Variants in ITPR1 observed in about 807,000 individuals in gnomAD.
The protein encoded by ITPR1 is inositol 1,4,5-trisphosphate receptor type 1.
Under a neutral mutation model 318.4 loss-of-function variants are expected in ITPR1, and 96 were observed. The ratio of observed to expected loss-of-function variants is 0.30; its 90% confidence interval spans 0.26 to 0.36. ITPR1 has a LOEUF of 0.36. Among genes scored for constraint, ITPR1 ranks in the 10% least tolerant of loss-of-function variants. The probability of loss-of-function intolerance (pLI) is 1.00; values close to 1 mark genes in which losing one functional copy is unlikely to be tolerated. For synonymous variants in ITPR1, 1,312 were observed against 1,289.9 expected, an observed-to-expected ratio of 1.02 and a Z score of -0.37; for missense variants, 2,440 against 3,460.2, an observed-to-expected ratio of 0.71 and a Z score of 7.40.
chr3:4,524,560 C>G (rs1461774472), intron 4 of ITPR1, among the ~76,000 whole-genome samples: 2 of 152,142 alleles, frequency 1.3e-5, no homozygotes, highest in African/African-American at 2.4e-5. Flanking sequence ...GAGTCTTTAT[C>G]TGAGCAATCA....
intron 39 of ITPR1, among the ~76,000 whole-genome samples, chr3:4,715,915 G>A (rs998125337): frequency 6.6e-6 from 1 of 152,026 alleles, no homozygotes. Context: ...GAAGAAGATG[G>A]CCAGAGATTT....
intron 4 of ITPR1, among the ~76,000 whole-genome samples, chr3:4,595,789 G>C (rs1040808080): frequency 1.3e-5 from 2 of 152,264 alleles, no homozygotes; most frequent in African/African-American, 4.8e-5. Flanking sequence ...TGAGAAGTCA[G>C]TTGACTTTAG....
At position 4,522,925 on chromosome 3, in the gene ITPR1, G is replaced by A. The variant is rs767327497; in HGVS notation, c.163+1831G>A. 2.3e-4 allele frequency among the ~76,000 whole-genome samples: 35 copies of A among 152,186 alleles called. 1 individual carries two copies. The highest frequency in any genetic ancestry group is 1.3e-4 in the Admixed American group (2 of 15,282). ...ATGGTTCTCAACTTTGGCTGCACAG[G>A]GAGATCACCTGGAGAACTCTCAGAA... On this transcript the variant is annotated intron_variant, in intron 4 of 61. Transcript: ENST00000649015.
intron 10 of ITPR1, among the ~76,000 whole-genome samples, chr3:4,649,788 C>T (rs189330697): frequency 6.6e-6 from 1 of 152,306 alleles, no homozygotes. Flanking sequence ...CTGGTGAGGG[C>T]ACTCTTCCTG....
At chr3:4,499,772 G>A (rs1258382028) in intron 2 of ITPR1, among the ~76,000 whole-genome samples, 1 of 152,166 alleles carries the variant, frequency 6.6e-6, no homozygotes, top group African/African-American at 2.4e-5. Context: ...TAATTTGGTA[G>A]TTAGATGTAG....
At chr3:4,818,715 C>T (rs2049472205) in intron 60 of ITPR1, among the ~76,000 whole-genome samples, 1 of 152,154 alleles carries the variant, frequency 6.6e-6, no homozygotes, top group Admixed American at 6.5e-5. Flanking sequence ...AGACACTCTA[C>T]TAATCGTTAA....
chr3:4,521,231 C>G (rs985619473), intron 4 of ITPR1, 137 bp downstream of exon 4: 12 of 649,682 alleles, frequency 1.8e-5, no homozygotes, highest in Middle Eastern at 2.5e-4. Context: ...GATTTGAGTT[C>G]TAAGCTTTAC....
At chr3:4,781,363 AATG>A (rs1295350513) in intron 49 of ITPR1, among the ~76,000 whole-genome samples, 1 of 152,196 alleles carries the variant, frequency 6.6e-6, no homozygotes, top group Admixed American at 6.5e-5. Context: ...TTCAATCATG[AATG>A]ATGTGTTCAT....
At chr3:4,595,463 A>G (rs544108188) in intron 4 of ITPR1, among the ~76,000 whole-genome samples, 5 of 152,350 alleles carry the variant, frequency 3.3e-5, no homozygotes, top group South Asian at 2.1e-4. Context: ...CTGTGATCCA[A>G]TCACTTTCCA....
rs536878110 is a variant in ITPR1 at position 4,628,213 on chromosome 3, A to G, written c.279+335A>G. Among the ~76,000 whole-genome samples, 8 of 152,290 alleles carry G rather than the reference A, an allele frequency of 5.3e-5. No homozygotes were observed. In the South Asian group the frequency reaches 1.7e-3, roughly 32 times the overall value. On this transcript the variant is annotated intron_variant, in intron 5 of 61. Coordinates refer to ENST00000649015, the MANE Select transcript of ITPR1 (RefSeq NM_001378452.1). ...AGCAACTGGTGCTCTTGGGCACGTT[A>G]TGTGCTGTTTTCCACTTCTGTTATG...
At chr3:4,767,301 C>G (rs555987822) in intron 45 of ITPR1, among the ~76,000 whole-genome samples, 1 of 152,348 alleles carries the variant, frequency 6.6e-6, no homozygotes, top group South Asian at 2.1e-4. Flanking sequence ...CTGTAAGATA[C>G]TTAGCAGCAT....
chr3:4,769,972 G>A (rs1488042013), intron 46 of ITPR1, among the ~76,000 whole-genome samples: 1 of 152,184 alleles, frequency 6.6e-6, no homozygotes, highest in Non-Finnish European at 1.5e-5. Context: ...CCAACTCCTG[G>A]ACCTAGGGAA....
At chr3:4,803,798 A>G (rs1575313084) in intron 54 of ITPR1, among the ~76,000 whole-genome samples, 1 of 152,238 alleles carries the variant, frequency 6.6e-6, no homozygotes, top group South Asian at 2.1e-4. Flanking sequence ...AACTGAGATA[A>G]TTAATTACCA....
chr3:4,804,600 T>C (rs1427058384), intron 54 of ITPR1, among the ~76,000 whole-genome samples: 1 of 152,148 alleles, frequency 6.6e-6, no homozygotes, highest in Non-Finnish European at 1.5e-5. Context: ...TGTTGTTAAG[T>C]TGGCAGGATC....
chr3:4,602,924 G>A lies in ITPR1; in HGVS notation c.164-24839G>A, dbSNP rs1012255781. ...AATGCAAATGTTCTGGAATTCGATA[G>A]TGGTGGTGGTACCAATCTGTGGATT... On this transcript the variant is annotated intron_variant, in intron 4 of 61. Coordinates refer to ENST00000649015, the MANE Select transcript of ITPR1 (RefSeq NM_001378452.1). Among the ~76,000 whole-genome samples the A allele has an allele frequency of 3.4e-4, 52 of 151,830 alleles. 1 individual carries two copies. Among genetic ancestry groups the A allele is most frequent in the African/African-American group, 1.2e-3 (48 of 41,540 alleles).
intron 32 of ITPR1, 93 bp downstream of exon 32, chr3:4,691,437 C>T (rs1559705517): frequency 2.5e-6 from 2 of 806,664 alleles, no homozygotes; most frequent in Admixed American, 4.6e-5. Context: ...GCACCCTCTT[C>T]AGGAGCCATA....
chr3:4,670,855 G>C lies in ITPR1; in HGVS notation c.2133G>C (p.Lys711Asn). Residue 711 changes from lysine (K) to asparagine (N), a missense_variant, in exon 20 of 62, where the codon AAG becomes AAC. Transcript: ENST00000649015. ...WRDSNKEIRS[K>N]SVRELAQDAK... ...ACAGCAACAAAGAGATTCGCAGCAAGAGTGTGAGGGAATTGGCTCAGGATG... is the reference window on the plus strand; with the variant it reads ...ACAGCAACAAAGAGATTCGCAGCAACAGTGTGAGGGAATTGGCTCAGGATG... The C allele has an allele frequency of 1.2e-6, 2 of 1,611,012 alleles. No individual in the cohort carries two copies. Among genetic ancestry groups the C allele is most frequent in the Non-Finnish European group, 1.7e-6 (2 of 1,178,512 alleles).
Position 4,795,129 on chromosome 3 carries a change from G to T in ITPR1, c.6873G>T (p.Leu2291=). 1 of 1,613,794 alleles carries T rather than the reference G, an allele frequency of 6.2e-7. No homozygotes were observed. Among genetic ancestry groups the T allele is most frequent in the Non-Finnish European group, 8.5e-7 (1 of 1,179,814 alleles). ...MSFWSSISFN[L]AVLMNLLVAF... ...TCTGGAGCAGCATTTCGTTTAACCT[G>T]GCCGTCCTGATGAACCTGCTGGTGG... Residue 2291 remains leucine, a synonymous_variant, in exon 53 of 62, where the codon CTG becomes CTT. Coordinates refer to ENST00000649015, the MANE Select transcript of ITPR1 (RefSeq NM_001378452.1).
At chr3:4,706,819 G>T (rs2094768140) in intron 37 of ITPR1, among the ~76,000 whole-genome samples, 1 of 152,104 alleles carries the variant, frequency 6.6e-6, no homozygotes, top group South Asian at 2.1e-4. Context: ...TTTTTTCGTA[G>T]AATCTACCAA....
Sources: gnomAD v4.1 joint callset for allele counts (sites outside exome capture counted in the v4.1 genomes callset) on GRCh38, gnomAD v4.1.1 for gene constraint, MANE v1.5 for transcripts, NCBI Gene and HGNC (gene_info 2026-07-23, HGNC 2026-07-21) for gene names.